The following CASD1 variants were observed in gnomAD, a reference collection of about 807,000 sequenced individuals.
CASD1 encodes N-acetylneuraminate (7)9-O-acetyltransferase.
CASD1 carries 41 observed loss-of-function variants against 100.0 expected under a neutral mutation model. The ratio of observed to expected loss-of-function variants is 0.41; its 90% CI spans 0.32 to 0.53. CASD1 has a LOEUF of 0.53. CASD1 is among the 20% of genes least tolerant of loss of function. CASD1 has a pLI of 0.25. For missense variants in CASD1, 774 were observed against 948.7 expected, an observed-to-expected ratio of 0.82 and a Z score of 2.42; for synonymous variants, 321 against 315.6, an observed-to-expected ratio of 1.02 and a Z score of -0.18.
chr7:94,588,366 T>C, the CASD1 span: 1 of 1,135,910 alleles, frequency 8.8e-7, no homozygotes, highest in African/African-American at 1.6e-5. Flanking sequence ...CCTGGATGCA[T>C]CCAAGCTAAG....
intron 3 of CASD1, among the ~76,000 whole-genome samples, chr7:94,519,037 A>G (rs1024512125): frequency 6.6e-6 from 1 of 152,124 alleles, no homozygotes; most frequent in Non-Finnish European, 1.5e-5. Context: ...CTAATTAGCA[A>G]TATATTTTGG....
chr7:94,599,669 A>C, the CASD1 span: 1 of 1,603,436 alleles, frequency 6.2e-7, no homozygotes, highest in African/African-American at 1.3e-5. Context: ...AAAATGATGA[A>C]GAAAATAACA....
intron 9 of CASD1, among the ~76,000 whole-genome samples, chr7:94,538,580 G>T (rs1392074141): frequency 6.6e-6 from 1 of 152,120 alleles, no homozygotes; most frequent in East Asian, 1.9e-4. Flanking sequence ...TGTAGGGGAA[G>T]TGTAAGATCC....
intron 17 of CASD1, among the ~76,000 whole-genome samples, chr7:94,554,933 T>A (rs989027370): frequency 4.6e-5 from 7 of 152,188 alleles, no homozygotes; most frequent in Admixed American, 3.9e-4. Context: ...TTTTTGTTCA[T>A]CTCCATAATT....
chr7:94,514,117 A>G (rs1428149974), intron 1 of CASD1, among the ~76,000 whole-genome samples: 2 of 152,166 alleles, frequency 1.3e-5, no homozygotes, highest in African/African-American at 4.8e-5. Flanking sequence ...TTTTGTTGAA[A>G]TCAAATTCTT....
chr7:94,604,834 T>TATAA, the CASD1 span, among the ~76,000 whole-genome samples: 1 of 68,440 alleles, frequency 1.5e-5, no homozygotes, highest in Non-Finnish European at 3.2e-5. Context: ...TATATATATA[T>TATAA]ATATATATAT....
the CASD1 span, among the ~76,000 whole-genome samples, chr7:94,566,477 G>C: frequency 6.6e-6 from 1 of 150,728 alleles, no homozygotes. Context: ...AAAAAAACTT[G>C]ACAAATAGAC....
At position 94,549,521 on chromosome 7, in the gene CASD1, T is replaced by C; in HGVS notation, c.1714-12T>C. On this transcript the variant is annotated splice_polypyrimidine_tract_variant and intron_variant, in intron 13 of 17. Coordinates refer to ENST00000297273, the MANE Select transcript of CASD1 (RefSeq NM_022900.5). ...TACCATCTTAATTTATTTTCTGGATTCCTTTTTTCAGGGTGCATTTGAGAA... is the reference window on the plus strand; with the variant it reads ...TACCATCTTAATTTATTTTCTGGATCCCTTTTTTCAGGGTGCATTTGAGAA... 1 of 1,575,636 alleles carries C rather than the reference T, an allele frequency of 6.3e-7. No individual in the cohort carries two copies. Among genetic ancestry groups the C allele is most frequent in the Non-Finnish European group, 8.7e-7 (1 of 1,153,754 alleles).
At chr7:94,518,487 A>G (rs534286931) in intron 3 of CASD1, among the ~76,000 whole-genome samples, 164 bp downstream of exon 3, 1 of 152,202 alleles carries the variant, frequency 6.6e-6, no homozygotes, top group African/African-American at 2.4e-5. Flanking sequence ...AATGAGGAAG[A>G]TGACAAAAAG....
At chr7:94,519,927 A>G (rs1794178729) in intron 3 of CASD1, among the ~76,000 whole-genome samples, 3 of 152,226 alleles carry the variant, frequency 2.0e-5, no homozygotes, top group Admixed American at 1.3e-4. Flanking sequence ...TAGGTAGTTG[A>G]AAAAAGCTAT....
At chr7:94,602,851 A>G in the CASD1 span, among the ~76,000 whole-genome samples, 2 of 152,316 alleles carry the variant, frequency 1.3e-5, no homozygotes, top group East Asian at 1.9e-4. Context: ...GACTTTCCCT[A>G]TAATTTGAGT....
chr7:94,592,821 T>G, the CASD1 span, among the ~76,000 whole-genome samples: 1 of 152,126 alleles, frequency 6.6e-6, no homozygotes, highest in African/African-American at 2.4e-5. Context: ...AAAATGATGA[T>G]TTGCATAAAG....
chr7:94,581,794 A>C, the CASD1 span, among the ~76,000 whole-genome samples: 2 of 152,164 alleles, frequency 1.3e-5, no homozygotes, highest in African/African-American at 4.8e-5. Flanking sequence ...ATTTAGGTTG[A>C]TTCTACCTCT....
rs554079247 is a variant in CASD1, at chr7:94,516,167, G to A, written c.134-1393G>A. The stretch of plus-strand genomic sequence containing the variant: ...TCTTTGAAATACAAAAAAAAAAACT[G>A]CTCAAGCCGTGTATATAGTTAACAC... On this transcript the variant is annotated intron_variant, in intron 1 of 17. Coordinates refer to ENST00000297273, the MANE Select transcript of CASD1 (RefSeq NM_022900.5). Among the ~76,000 whole-genome samples the A allele has an allele frequency of 4.0e-4, 60 of 151,356 alleles. No homozygotes were observed. In the Middle Eastern group the frequency reaches 0.01, roughly 26 times the overall value.
chr7:94,511,502 CCTCTCTCCAG>C (rs371869175), intron 1 of CASD1, among the ~76,000 whole-genome samples: 138 of 152,272 alleles, frequency 9.1e-4, no homozygotes, highest in Admixed American at 1.6e-3. Context: ...AACCTTTTGG[CCTCTCTCCAG>C]CTCTCTCCAG....
chr7:94,548,134 G>A (rs1795766646), intron 13 of CASD1, among the ~76,000 whole-genome samples: 1 of 151,780 alleles, frequency 6.6e-6, no homozygotes, highest in Non-Finnish European at 1.5e-5. Flanking sequence ...CCAACACTCT[G>A]TGGATACTGC....
At position 94,537,480 on chromosome 7, in the gene CASD1, G is replaced by A; in HGVS notation, c.852G>A (p.Met284Ile). 6 of 1,602,558 alleles carry A rather than the reference G, an allele frequency of 3.7e-6. No homozygotes were observed. The highest frequency in any genetic ancestry group is 5.1e-6 in the Non-Finnish European group (6 of 1,175,348). Residue 284 changes from methionine (M) to isoleucine (I), a missense_variant, in exon 9 of 18, where the codon ATG (methionine) becomes ATA (isoleucine). Around this residue, in one of 5 missense-constraint regions of CASD1, gnomAD observed 453 missense variants for 532.6 expected, o/e 0.85. Coordinates refer to ENST00000297273, the MANE Select transcript of CASD1 (RefSeq NM_022900.5). ...ACTTGATTTGTTCACAGACTGCAAT[G>A]ATTCTTATGAATGTGTATTGCAATA... ...LPESSRETTA[M>I]ILMNVYCNKI...
chr7:94,559,550 C>T (rs545059329), downstream of CASD1, among the ~76,000 whole-genome samples: 1 of 151,996 alleles, frequency 6.6e-6, no homozygotes, highest in South Asian at 2.1e-4. Context: ...TTTTGAGAGG[C>T]AGTCTCGCTC....
the CASD1 span, chr7:94,585,510 A>G: frequency 6.2e-7 from 1 of 1,604,884 alleles, no homozygotes; most frequent in Non-Finnish European, 8.5e-7. Flanking sequence ...CAGGGATACC[A>G]TTTACCTGCA....
Sources: gnomAD v4.1 joint callset for allele counts (sites outside exome capture counted in the v4.1 genomes callset) on GRCh38, gnomAD v4.1.1 for gene constraint, gnomAD v4.1.1 regional missense constraint, MANE v1.5 for transcripts, NCBI Gene and HGNC (gene_info 2026-07-23, HGNC 2026-07-21) for gene names.